Variants in BUD13 observed in about 807,000 individuals in gnomAD.
The protein encoded by BUD13 is BUD13 homolog.
BUD13 carries 47 observed loss-of-function variants against 62.5 expected under a neutral mutation model. The ratio of observed to expected loss-of-function variants is 0.75; its 90% CI spans 0.60 to 0.96. The LOEUF is 0.96. BUD13 is among the 40% of genes least tolerant of loss of function. The pLI is 0.00. For synonymous variants in BUD13, 293 were observed against 280.1 expected (o/e 1.05, Z -0.46); for missense variants, 821 against 790.9 (o/e 1.04, Z -0.46).
chr11:116,770,335 G>T, intron 1 of BUD13, 113 bp from the exon 2 acceptor site: 2 of 826,448 alleles, frequency 2.4e-6, no homozygotes, highest in Non-Finnish European at 3.6e-6. Context: ...GCATGGTCCA[G>T]TCTTTGTCTA....
rs1465485606 is a variant in BUD13, at chr11:116,772,810, G to A, written c.143+12C>T. 2.6e-6 allele frequency: 4 copies of A among 1,563,076 alleles called. No homozygotes were observed. In the African/African-American group the frequency reaches 4.2e-5, roughly 16 times the overall value. On this transcript the variant is annotated intron_variant, in intron 1 of 9. Coordinates refer to ENST00000260210, the MANE Select transcript of BUD13 (RefSeq NM_032725.4). ...GACGTCGCAGGCCCCGCCCCGGCCG[G>A]TACCAACTCACCCCTTGCCGCCGGC...
intron 1 of BUD13, among the ~76,000 whole-genome samples, chr11:116,771,069 CTCTT>C (rs755081080): frequency 6.6e-6 from 1 of 152,152 alleles, no homozygotes; most frequent in Non-Finnish European, 1.5e-5. Context: ...TGCTAGGAAA[CTCTT>C]TCTCATTCCA....
Position 116,748,499 on chromosome 11 carries a change from T to C in BUD13, c.1843A>G (p.Ser615Gly). 12 of 1,614,126 alleles carry C rather than the reference T, an allele frequency of 7.4e-6. No individual in the cohort carries two copies. The highest frequency in any genetic ancestry group is 1.0e-5 in the Non-Finnish European group (12 of 1,180,026). Residue 615 changes from serine (S) to glycine (G), a missense_variant, in exon 10 of 10, where the codon AGT becomes GGT. Physicochemically the swap from Ser to Gly is moderately conservative, Grantham distance 56 (BLOSUM62 0). Around this residue, in one of 2 missense-constraint regions of BUD13, gnomAD observed 21 missense variants for 51.7 expected, o/e 0.41. Coordinates refer to ENST00000260210, the MANE Select transcript of BUD13 (RefSeq NM_032725.4). ...KAVEELAYKW[S>G]VEDM ...CAGGAAAGTTACATATCCTCAACAC[T>C]CCATTTGTAGGCAAGTTCCTCCACT...
intron 5 of BUD13, 60 bp downstream of exon 5, chr11:116,760,675 T>C (rs3741301): frequency 0.41 from 621,367 of 1,529,136 alleles, 133,748 homozygotes; most frequent in Non-Finnish European, 0.45. Flanking sequence ...CTGGGACATA[T>C]ATAAAGCTGA....
rs1446102614 is a variant in BUD13 at position 116,760,871 on chromosome 11, T to G, written c.1118A>C (p.Asp373Ala). Residue 373 changes from aspartate to alanine, a missense_variant, in exon 5 of 10, where the codon GAT becomes GCT. This residue lies in a region of BUD13 where 800 missense variants were observed against 739.2 expected (regional missense o/e 1.08). Transcript: ENST00000260210. ...QSPGHQDSDS[D>A]LSPPRNRPRH... ...AGGTCTATTCCGTGGAGGTGACAGA[T>G]CTGAATCAGAATCCTGGTGCCCTGG... is the stretch of plus-strand genomic sequence containing the variant. The G allele has an allele frequency of 3.1e-6, 5 of 1,613,898 alleles. No individual in the cohort carries two copies.
In BUD13 at chr11:116,759,064, A is replaced by G. The variant is rs779278860; in HGVS notation, c.1360+10T>C. The G allele has an allele frequency of 6.2e-7, 1 of 1,607,108 alleles. No individual in the cohort carries two copies. The highest frequency in any genetic ancestry group is 2.2e-5 in the East Asian group (1 of 44,852). The stretch of plus-strand genomic sequence containing the variant: ...AGCCTAAATTGGTCTCTGCACTTTC[A>G]TATTTTTACCTTCAAATGCCATGGT... On this transcript the variant is annotated intron_variant, in intron 6 of 9. Transcript: ENST00000260210.
intron 9 of BUD13, among the ~76,000 whole-genome samples, chr11:116,752,147 C>A (rs1940247512): frequency 6.6e-6 from 1 of 152,096 alleles, no homozygotes; most frequent in Non-Finnish European, 1.5e-5. Flanking sequence ...GAGGTTTCAC[C>A]ATGTTAGCCA....
intron 2 of BUD13, among the ~76,000 whole-genome samples, chr11:116,768,039 T>C (rs1940563322): frequency 6.6e-6 from 1 of 151,512 alleles, no homozygotes; most frequent in Non-Finnish European, 1.5e-5. Context: ...ATTGACGACG[T>C]AGGCAAACTG....
intron 2 of BUD13, among the ~76,000 whole-genome samples, chr11:116,768,517 T>C (rs953096470): frequency 1.3e-5 from 2 of 152,210 alleles, no homozygotes; most frequent in Non-Finnish European, 1.5e-5. Context: ...TGTTTATTCT[T>C]TTAAAAACTT....
chr11:116,761,409 CA>C (rs35664297), intron 4 of BUD13, among the ~76,000 whole-genome samples: 27,552 of 152,092 alleles, frequency 0.18, 2,765 homozygotes, highest in Non-Finnish European at 0.22. Flanking sequence ...AGCTAATGTA[CA>C]ATATTTATTT....
intron 9 of BUD13, among the ~76,000 whole-genome samples, chr11:116,752,782 T>C (rs1052062183): frequency 6.6e-6 from 1 of 152,106 alleles, no homozygotes; most frequent in African/African-American, 2.4e-5. Context: ...TCTGCCAATA[T>C]CAGAAAGAAG....
At chr11:116,763,542 T>C (rs1940477324) in intron 3 of BUD13, among the ~76,000 whole-genome samples, 1 of 152,142 alleles carries the variant, frequency 6.6e-6, no homozygotes, top group Admixed American at 6.5e-5. Flanking sequence ...GGTACCCTTG[T>C]ATTACAGCAT....
Position 116,760,884 on chromosome 11 carries a change from C to T in BUD13, c.1105G>A (p.Asp369Asn). ...GGAGGTGACAGATCTGAATCAGAAT[C>T]CTGGTGCCCTGGACTTTGTTTATGC... The part of the protein sequence containing the change: ...PRHKQSPGHQ[D>N]SDSDLSPPRN... The change falls in exon 5 of 10, where the codon GAT becomes AAT. Residue 369 changes from aspartate to asparagine, a missense_variant. By Grantham distance (23) the Asp-to-Asn change is conservative (BLOSUM62 1). Transcript: ENST00000260210. 6.2e-7 allele frequency: 1 copy of T among 1,614,078 alleles called. No homozygotes were observed. Among genetic ancestry groups the T allele is most frequent in the Non-Finnish European group, 8.5e-7 (1 of 1,179,998 alleles).
At chr11:116,762,332 A>T (rs538259694) in intron 4 of BUD13, among the ~76,000 whole-genome samples, 1 of 152,350 alleles carries the variant, frequency 6.6e-6, no homozygotes, top group South Asian at 2.1e-4. Context: ...TTCTGCAACA[A>T]ATAAATTGTA....
chr11:116,754,292 C>A (rs1340803944), intron 9 of BUD13, among the ~76,000 whole-genome samples: 1 of 152,234 alleles, frequency 6.6e-6, no homozygotes, highest in African/African-American at 2.4e-5. Flanking sequence ...AGCAATCCGT[C>A]TGCCTTGGGC....
chr11:116,755,216 A>T (rs1366307172), intron 9 of BUD13, among the ~76,000 whole-genome samples: 1 of 152,264 alleles, frequency 6.6e-6, no homozygotes, highest in Admixed American at 6.5e-5. Context: ...GCCAGTGATA[A>T]CATTTAAACT....
chr11:116,761,047 A>G (rs1479223931), intron 4 of BUD13, 95 bp from the exon 5 acceptor site: 1 of 995,176 alleles, frequency 1.0e-6, no homozygotes, highest in South Asian at 1.7e-5. Context: ...CCTAGAAATT[A>G]AAGAATTCCT....
Position 116,750,471 on chromosome 11 carries a change from C to T in BUD13, c.1767-1896G>A, listed in dbSNP as rs1457914879. 2.6e-5 allele frequency among the ~76,000 whole-genome samples: 4 copies of T among 152,198 alleles called. No homozygotes were observed. In the East Asian group the frequency reaches 7.7e-4, roughly 29 times the overall value. On this transcript the variant is annotated intron_variant, in intron 9 of 9. Coordinates refer to ENST00000260210, the MANE Select transcript of BUD13 (RefSeq NM_032725.4). ...TTGTTTCACTACACAACGGAACTAG[C>T]CCTTTCAGGTCATCACTGACATTCC...
chr11:116,759,894 C>T (rs1188860289), intron 5 of BUD13, among the ~76,000 whole-genome samples: 2 of 152,200 alleles, frequency 1.3e-5, no homozygotes, highest in Non-Finnish European at 1.5e-5. Flanking sequence ...CAAGATTTAC[C>T]TGATAAGTCT....
Sources: gnomAD v4.1 joint callset for allele counts (sites outside exome capture counted in the v4.1 genomes callset) on GRCh38, gnomAD v4.1.1 for gene constraint, gnomAD v4.1.1 regional missense constraint, MANE v1.5 for transcripts, NCBI Gene and HGNC (gene_info 2026-07-23, HGNC 2026-07-21) for gene names.